Variants in CCDC91 observed in about 807,000 individuals in gnomAD.
CCDC91 encodes the protein coiled-coil domain-containing protein 91.
In CCDC91, 48 loss-of-function variants were observed where a neutral mutation model predicts 63.2. The ratio of observed to expected loss-of-function variants is 0.76; its 90% confidence interval spans 0.60 to 0.97. CCDC91 has a LOEUF of 0.97. Among genes scored for constraint, CCDC91 ranks in the 50% least tolerant of loss-of-function variants. The pLI is 0.00. For missense variants in CCDC91, 500 were observed against 494.6 expected (o/e 1.01, Z -0.10); for synonymous variants, 167 against 165.8 (o/e 1.01, Z -0.06).
intron 1 of CCDC91, among the ~76,000 whole-genome samples, chr12:28,243,971 T>A (rs960211730): frequency 2.0e-5 from 3 of 152,166 alleles, no homozygotes; most frequent in African/African-American, 7.2e-5. Flanking sequence ...CCAAAACAGA[T>A]GACAATTACA....
chr12:28,217,352 A>G (rs922521083), intron 1 of CCDC91, among the ~76,000 whole-genome samples: 3 of 152,266 alleles, frequency 2.0e-5, no homozygotes, highest in African/African-American at 4.8e-5. Context: ...TTAGTTGAAC[A>G]TATTTGAGTT....
rs144351781 is a variant in CCDC91 at position 28,413,075 on chromosome 12, A to G, written c.762+21664A>G. On this transcript the variant is annotated intron_variant, in intron 8 of 12. Transcript: ENST00000536442. ...AAATTGCTGCCTCTAGAGACTCAAAAAAGTCCTTTTCCATTGTTTTCTCAT... is the reference window on the plus strand; with the variant it reads ...AAATTGCTGCCTCTAGAGACTCAAAGAAGTCCTTTTCCATTGTTTTCTCAT... 8.8e-5 allele frequency: 16 copies of G among 181,878 alleles called. No homozygotes were observed. The East Asian group carries it at 2.6e-3, about 30-fold the overall frequency. 11.3% of individuals were successfully genotyped at this position (181,878 alleles called of 1,614,324 possible).
intron 6 of CCDC91, among the ~76,000 whole-genome samples, chr12:28,327,075 G>A (rs1941079914): frequency 1.3e-5 from 2 of 152,102 alleles, no homozygotes; most frequent in East Asian, 1.9e-4. Flanking sequence ...CAAAACCGGA[G>A]CGCTACCTTT....
chr12:28,225,224 A>C (rs1257737220), intron 1 of CCDC91, among the ~76,000 whole-genome samples: 2 of 152,144 alleles, frequency 1.3e-5, no homozygotes, highest in African/African-American at 4.8e-5. Context: ...AAACTTATAA[A>C]TTCTTGTGCC....
At chr12:28,374,391 A>G (rs1252967099) in intron 7 of CCDC91, among the ~76,000 whole-genome samples, 1 of 152,108 alleles carries the variant, frequency 6.6e-6, no homozygotes, top group African/African-American at 2.4e-5. Context: ...TTTAAAATGT[A>G]GGACTGTTCT....
At chr12:28,257,438 T>G in intron 2 of CCDC91, among the ~76,000 whole-genome samples, 193 bp downstream of exon 2, 1 of 152,140 alleles carries the variant, frequency 6.6e-6, no homozygotes, top group East Asian at 1.9e-4. Context: ...GATGTATTAT[T>G]ATAGAACATT....
At chr12:28,510,261 A>G (rs1463728379) in intron 12 of CCDC91, among the ~76,000 whole-genome samples, 2 of 81,718 alleles carry the variant, frequency 2.4e-5, no homozygotes, top group Non-Finnish European at 6.0e-5. Flanking sequence ...GTGTGTGTAG[A>G]AAGAGATTTA....
intron 1 of CCDC91, chr12:28,191,335 G>A (rs1411621929): frequency 6.6e-6 from 1 of 152,200 alleles, no homozygotes; most frequent in Non-Finnish European, 1.5e-5. Flanking sequence ...TGTTTTTTTG[G>A]TAGGATGATG....
At chr12:28,428,280 C>G (rs1948435951) in intron 8 of CCDC91, among the ~76,000 whole-genome samples, 1 of 151,796 alleles carries the variant, frequency 6.6e-6, no homozygotes, top group African/African-American at 2.4e-5. Context: ...GCATGAAATT[C>G]CCCTTTTTGG....
intron 7 of CCDC91, among the ~76,000 whole-genome samples, chr12:28,385,703 A>T (rs751638229): frequency 6.6e-6 from 1 of 152,170 alleles, no homozygotes; most frequent in Non-Finnish European, 1.5e-5. Flanking sequence ...CTTATTCCTT[A>T]GACACATCTG....
intron 11 of CCDC91, among the ~76,000 whole-genome samples, chr12:28,462,211 A>C (rs932965255): frequency 1.3e-5 from 2 of 152,152 alleles, no homozygotes; most frequent in Non-Finnish European, 2.9e-5. Context: ...AAAAGCAAAT[A>C]CTATGCAAAA....
chr12:28,305,604 C>T (rs762254150), intron 3 of CCDC91, 45 bp from the exon 4 acceptor site: 4 of 1,521,284 alleles, frequency 2.6e-6, no homozygotes, highest in African/African-American at 1.4e-5. Context: ...TCTCTGTTTT[C>T]TCTTTAATAA....
At chr12:28,415,415 G>T (rs945322427) in intron 8 of CCDC91, among the ~76,000 whole-genome samples, 2 of 151,806 alleles carry the variant, frequency 1.3e-5, no homozygotes, top group African/African-American at 2.4e-5. Context: ...TAGAGACGGG[G>T]TTTCTCCATG....
chr12:28,547,214 T>C (rs1943051762), intron 12 of CCDC91, among the ~76,000 whole-genome samples: 1 of 152,120 alleles, frequency 6.6e-6, no homozygotes, highest in African/African-American at 2.4e-5. Context: ...TATATTCTTC[T>C]GTACTGTTTA....
chr12:28,427,684 C>T (rs1312065260), intron 8 of CCDC91, among the ~76,000 whole-genome samples: 1 of 152,118 alleles, frequency 6.6e-6, no homozygotes, highest in Non-Finnish European at 1.5e-5. Flanking sequence ...GCATATTTCT[C>T]CAAATTTTGA....
At chr12:28,472,285 C>A (rs529096030) in intron 11 of CCDC91, among the ~76,000 whole-genome samples, 1 of 152,122 alleles carries the variant, frequency 6.6e-6, no homozygotes, top group African/African-American at 2.4e-5. Context: ...AAAAAAGAAC[C>A]GCACAGCTGA....
At position 28,452,461 on chromosome 12, in the gene CCDC91, CTTTA is replaced by C. The variant is rs749523170; in HGVS notation, c.925-9_925-6del. 16 of 1,507,036 alleles carry C rather than the reference CTTTA, an allele frequency of 1.1e-5. No homozygotes were observed. In the African/African-American group the frequency reaches 1.8e-4, roughly 17 times the overall value. 93.4% of individuals were successfully genotyped at this position (1,507,036 alleles called of 1,614,324 possible). On this transcript the variant is annotated splice_polypyrimidine_tract_variant and intron_variant, in intron 10 of 12. Transcript: ENST00000536442. ...TGCAGTCTTTCAAATTTGTTCTGGT[CTTTA>C]TTTATTTTGAAGCTTGAAAAAGAAG...
chr12:28,306,325 G>A (rs1176520937), intron 4 of CCDC91, among the ~76,000 whole-genome samples: 2 of 151,976 alleles, frequency 1.3e-5, no homozygotes, highest in Non-Finnish European at 2.9e-5. Flanking sequence ...TTAATTTTGC[G>A]AGACAGTGGT....
chr12:28,220,562 TC>T (rs1179506795), intron 1 of CCDC91, among the ~76,000 whole-genome samples: 1 of 151,744 alleles, frequency 6.6e-6, no homozygotes, highest in Non-Finnish European at 1.5e-5. Context: ...GATTCAGATT[TC>T]AATCTGTTTT....
Sources: allele counts gnomAD v4.1 joint callset (sites outside exome capture counted in the v4.1 genomes callset), GRCh38; gene constraint gnomAD v4.1.1; transcripts MANE v1.5; gene names NCBI Gene and HGNC (gene_info 2026-07-23, HGNC 2026-07-21).